SUGCT: variants seen among roughly 807,000 people sequenced by gnomAD.
The protein encoded by SUGCT is succinyl-CoA:glutarate-CoA transferase.
SUGCT carries 41 observed loss-of-function variants against 55.0 expected under a neutral mutation model. That is an observed-to-expected ratio of 0.74 (90% CI 0.58 to 0.97). The LOEUF is 0.97. SUGCT is among the 50% of genes least tolerant of loss of function. The pLI is 0.00. For synonymous variants in SUGCT, 187 were observed against 200.4 expected (o/e 0.93, Z 0.56); for missense variants, 568 against 547.8 (o/e 1.04, Z -0.37).
At chr7:40,908,003 T>A in the SUGCT span, among the ~76,000 whole-genome samples, 4 of 152,072 alleles carry the variant, frequency 2.6e-5, no homozygotes, top group East Asian at 7.7e-4. Flanking sequence ...AAGATGTATA[T>A]GCAGATTGGT....
At chr7:40,364,413 T>C (rs1783814680) in intron 9 of SUGCT, among the ~76,000 whole-genome samples, 1 of 152,172 alleles carries the variant, frequency 6.6e-6, no homozygotes, top group African/African-American at 2.4e-5. Flanking sequence ...CTAGTCTCAA[T>C]GGTCTTTACA....
chr7:40,929,938 G>T, the SUGCT span, among the ~76,000 whole-genome samples: 4 of 152,124 alleles, frequency 2.6e-5, no homozygotes, highest in African/African-American at 9.7e-5. Flanking sequence ...GATCCCATTT[G>T]TCAATTTTGG....
At chr7:40,682,930 T>G (rs1784317751) in intron 12 of SUGCT, among the ~76,000 whole-genome samples, 1 of 152,216 alleles carries the variant, frequency 6.6e-6, no homozygotes, top group Non-Finnish European at 1.5e-5. Context: ...CAGTATGTAT[T>G]GTGAACATGG....
chr7:40,682,153 A>G (rs762112751), intron 12 of SUGCT, among the ~76,000 whole-genome samples: 2 of 152,042 alleles, frequency 1.3e-5, no homozygotes, highest in East Asian at 3.9e-4. Context: ...CTTTATTTCC[A>G]TGCTTCGGGG....
intron 12 of SUGCT, among the ~76,000 whole-genome samples, chr7:40,548,373 C>T (rs575492324): frequency 3.3e-5 from 5 of 151,904 alleles, no homozygotes; most frequent in South Asian, 4.2e-4. Context: ...AAATTTTTAA[C>T]GGTTTTTGTA....
intron 11 of SUGCT, among the ~76,000 whole-genome samples, chr7:40,467,099 G>C (rs1191512584): frequency 6.7e-6 from 1 of 149,934 alleles, no homozygotes; most frequent in East Asian, 2.0e-4. Flanking sequence ...CAACTTGGGA[G>C]ACTGAGGCAG....
intron 12 of SUGCT, among the ~76,000 whole-genome samples, chr7:40,521,586 C>A (rs1793529587): frequency 6.6e-6 from 1 of 152,100 alleles, no homozygotes; most frequent in Non-Finnish European, 1.5e-5. Flanking sequence ...TAGTGACAGC[C>A]TCATGAACGG....
At chr7:40,345,601 C>T (rs1017084321) in intron 9 of SUGCT, among the ~76,000 whole-genome samples, 2 of 151,896 alleles carry the variant, frequency 1.3e-5, no homozygotes, top group African/African-American at 4.8e-5. Context: ...TTGCCATTCA[C>T]CTGTTGAATG....
the SUGCT span, among the ~76,000 whole-genome samples, chr7:40,989,040 A>G: frequency 1.3e-5 from 2 of 152,134 alleles, no homozygotes; most frequent in South Asian, 2.1e-4. Context: ...ATACTGTAGT[A>G]TATTAATTGT....
the SUGCT span, among the ~76,000 whole-genome samples, chr7:40,980,594 T>A: frequency 6.6e-6 from 1 of 152,072 alleles, no homozygotes; most frequent in African/African-American, 2.4e-5. Flanking sequence ...CAAAATACAA[T>A]GGTGGGACAG....
At chr7:40,361,677 T>C (rs1798161751) in intron 9 of SUGCT, among the ~76,000 whole-genome samples, 1 of 152,178 alleles carries the variant, frequency 6.6e-6, no homozygotes, top group South Asian at 2.1e-4. Flanking sequence ...AGCAACATTT[T>C]ATTTTGTGGC....
At chr7:40,352,918 C>A (rs2078480198) in intron 9 of SUGCT, among the ~76,000 whole-genome samples, 1 of 152,180 alleles carries the variant, frequency 6.6e-6, no homozygotes, top group South Asian at 2.1e-4. Flanking sequence ...TCCCTTTTCT[C>A]TACAACTTTG....
chr7:40,644,819 C>G (rs1468715108), intron 12 of SUGCT, among the ~76,000 whole-genome samples: 1 of 152,166 alleles, frequency 6.6e-6, no homozygotes, highest in African/African-American at 2.4e-5. Flanking sequence ...CCGAAACTTG[C>G]CCTCCTCAGA....
At chr7:41,026,088 G>A in the SUGCT span, among the ~76,000 whole-genome samples, 1 of 152,218 alleles carries the variant, frequency 6.6e-6, no homozygotes, top group East Asian at 1.9e-4. Flanking sequence ...CTCTGGAGCT[G>A]CACCTGCTGC....
intron 12 of SUGCT, among the ~76,000 whole-genome samples, chr7:40,745,122 T>A (rs980767331): frequency 3.3e-5 from 5 of 152,204 alleles, no homozygotes; most frequent in Non-Finnish European, 7.4e-5. Flanking sequence ...AATGAATAGG[T>A]CATATCATTA....
chr7:40,641,695 C>T (rs889378540), intron 12 of SUGCT, among the ~76,000 whole-genome samples: 5 of 152,164 alleles, frequency 3.3e-5, no homozygotes, highest in African/African-American at 1.2e-4. Flanking sequence ...CAGGAAAATT[C>T]AAAAATGTTC....
chr7:40,509,335 C>T (rs544739745), intron 12 of SUGCT, among the ~76,000 whole-genome samples: 17 of 152,180 alleles, frequency 1.1e-4, no homozygotes, highest in East Asian at 3.9e-4. Context: ...TGTGCACTTC[C>T]GCAGCCACAC....
intron 13 of SUGCT, among the ~76,000 whole-genome samples, chr7:40,818,536 T>C (rs753960630): frequency 2.6e-5 from 4 of 152,344 alleles, no homozygotes; most frequent in Admixed American, 2.0e-4. Context: ...AGATGCTTCA[T>C]GTTTTAAAGC....
chr7:40,323,499 C>T (rs1344238183), intron 9 of SUGCT, among the ~76,000 whole-genome samples: 1 of 152,090 alleles, frequency 6.6e-6, no homozygotes, highest in Non-Finnish European at 1.5e-5. Context: ...AAGCAAACCT[C>T]CCACCTCAGC....
Sources: allele counts gnomAD v4.1 joint callset (sites outside exome capture counted in the v4.1 genomes callset), GRCh38; gene constraint gnomAD v4.1.1; transcripts MANE v1.5; gene names NCBI Gene and HGNC (gene_info 2026-07-23, HGNC 2026-07-21).